The following WWOX variants were observed in gnomAD, a reference collection of about 807,000 sequenced individuals.
The protein encoded by WWOX is WW domain-containing oxidoreductase.
In WWOX, 69 loss-of-function variants were observed where a neutral mutation model predicts 46.2. The ratio of observed to expected loss-of-function variants is 1.49; its 90% confidence interval spans 1.23 to 1.82. The LOEUF is 1.82. Among genes scored for constraint, WWOX ranks in the 40% most tolerant of loss-of-function variants. WWOX has a pLI of 0.00. For missense variants in WWOX, 919 were observed against 542.6 expected (o/e 1.69, Z -6.89); for synonymous variants, 359 against 202.6 (o/e 1.77, Z -6.56).
chr16:79,053,760 A>G (rs1319539121), intron 8 of WWOX, among the ~76,000 whole-genome samples: 3 of 152,152 alleles, frequency 2.0e-5, no homozygotes, highest in Admixed American at 1.3e-4. Context: ...CCTTAAGTTT[A>G]TAGTTATGCA....
intron 8 of WWOX, among the ~76,000 whole-genome samples, chr16:78,748,887 T>G (rs747045916): frequency 6.6e-6 from 1 of 152,224 alleles, no homozygotes; most frequent in Non-Finnish European, 1.5e-5. Flanking sequence ...GTGAATTGAT[T>G]TGCAAAGCAG....
At chr16:78,842,328 TAAA>T (rs34346754) in intron 8 of WWOX, among the ~76,000 whole-genome samples, 11 of 118,242 alleles carry the variant, frequency 9.3e-5, no homozygotes, top group Non-Finnish European at 8.8e-5. Context: ...ACCCCATCTC[TAAA>T]AAAAAAAAAA....
chr16:78,775,549 C>T (rs2142535582), intron 8 of WWOX, among the ~76,000 whole-genome samples: 1 of 152,224 alleles, frequency 6.6e-6, no homozygotes, highest in Non-Finnish European at 1.5e-5. Context: ...GGCTTTGAAA[C>T]TGCTCATCCC....
chr16:78,864,750 A>G (rs1309108668), intron 8 of WWOX, among the ~76,000 whole-genome samples: 1 of 117,304 alleles, frequency 8.5e-6, no homozygotes, highest in African/African-American at 3.3e-5. Flanking sequence ...TTTTTCTCCA[A>G]CTCCTTTTTT....
In WWOX at chr16:78,361,987, TTTA is replaced by T. The variant is rs2081419723; in HGVS notation, c.517-24869_517-24867del. Among the ~76,000 whole-genome samples, 2 of 150,588 alleles carry T rather than the reference TTTA, an allele frequency of 1.3e-5. 1 individual carries two copies. On this transcript the variant is annotated intron_variant, in intron 5 of 8. Transcript: ENST00000566780. ...AGGTATTTCCTTTTTTTTTTTTTGA[TTTA>T]TTAATACCTCCATTTATTCTGTTGC...
intron 8 of WWOX, among the ~76,000 whole-genome samples, chr16:78,433,623 T>C (rs886191693): frequency 6.6e-6 from 1 of 152,046 alleles, no homozygotes; most frequent in Admixed American, 6.6e-5. Context: ...CAGTTGGACC[T>C]AGGATATTAA....
At chr16:79,044,176 G>A (rs2048024635) in intron 8 of WWOX, among the ~76,000 whole-genome samples, 1 of 152,196 alleles carries the variant, frequency 6.6e-6, no homozygotes, top group South Asian at 2.1e-4. Flanking sequence ...TGTTCAGGGA[G>A]GAGTCTTCAG....
At chr16:78,751,916 A>G (rs889017281) in intron 8 of WWOX, among the ~76,000 whole-genome samples, 3 of 152,182 alleles carry the variant, frequency 2.0e-5, no homozygotes, top group Non-Finnish European at 2.9e-5. Context: ...CCAGATGAAA[A>G]TGAATAACCC....
intron 5 of WWOX, among the ~76,000 whole-genome samples, chr16:78,324,895 A>G (rs879086552): frequency 1.3e-5 from 2 of 152,206 alleles, no homozygotes; most frequent in African/African-American, 4.8e-5. Context: ...GAATTATACA[A>G]TTTTAAATGG....
chr16:78,613,561 C>G (rs1173088155), intron 8 of WWOX, among the ~76,000 whole-genome samples: 1 of 152,174 alleles, frequency 6.6e-6, no homozygotes, highest in Non-Finnish European at 1.5e-5. Flanking sequence ...ATGGAATTGA[C>G]CCATAGTGGG....
chr16:78,441,822 A>T (rs1289574592), intron 8 of WWOX, among the ~76,000 whole-genome samples: 1 of 152,106 alleles, frequency 6.6e-6, no homozygotes, highest in Non-Finnish European at 1.5e-5. Flanking sequence ...ATTGGCTTGC[A>T]GTAGAAATTA....
intron 8 of WWOX, among the ~76,000 whole-genome samples, chr16:78,731,051 T>G (rs2142383128): frequency 6.6e-6 from 1 of 152,304 alleles, no homozygotes; most frequent in African/African-American, 2.4e-5. Context: ...ATGTTTAGTG[T>G]TGATTTAAGA....
intron 8 of WWOX, chr16:78,495,869 G>A (rs2084906132): frequency 1.3e-5 from 2 of 152,050 alleles, no homozygotes; most frequent in African/African-American, 4.8e-5. Flanking sequence ...TTCAGTGAGT[G>A]TGGATTACGT....
intron 5 of WWOX, among the ~76,000 whole-genome samples, chr16:78,302,726 C>A (rs937448819): frequency 2.0e-5 from 3 of 152,154 alleles, no homozygotes; most frequent in African/African-American, 7.2e-5. Flanking sequence ...CAGCTTTACA[C>A]ACTCCTGCTA....
chr16:78,242,091 A>T (rs932924153), intron 5 of WWOX, among the ~76,000 whole-genome samples: 3 of 152,252 alleles, frequency 2.0e-5, no homozygotes, highest in African/African-American at 7.2e-5. Flanking sequence ...GCCGCCCTGC[A>T]GACTTGAAGA....
intron 8 of WWOX, among the ~76,000 whole-genome samples, chr16:78,730,304 C>T (rs868735012): frequency 1.3e-5 from 2 of 151,992 alleles, no homozygotes; most frequent in African/African-American, 4.8e-5. Flanking sequence ...TCCTTGCCTC[C>T]TTCCCTCTCT....
At chr16:78,196,813 A>G (rs1292330027) in intron 5 of WWOX, among the ~76,000 whole-genome samples, 1 of 152,222 alleles carries the variant, frequency 6.6e-6, no homozygotes, top group East Asian at 1.9e-4. Flanking sequence ...AGTTTCTGCT[A>G]ATGATTTAAT....
In WWOX at chr16:78,894,049, T is replaced by TATTATTATTATTATA. The variant is rs879592229; in HGVS notation, c.1057-317557_1057-317556insTATTATTATTATAAT. ...TTATTATTATTATTATTATTATTATTATATTTTGAGACAGGGTCTTGCTTT... is the reference window on the plus strand; with the variant it reads ...TTATTATTATTATTATTATTATTATTATTATTATTATTATAATATTTTGAGACAGGGTCTTGCTTT... On this transcript the variant is annotated intron_variant, in intron 8 of 8. Coordinates refer to ENST00000566780, the MANE Select transcript of WWOX (RefSeq NM_016373.4). Among the ~76,000 whole-genome samples the TATTATTATTATTATA allele has an allele frequency of 9.9e-3, 1,471 of 148,108 alleles. 20 individuals are homozygous for TATTATTATTATTATA. The highest frequency in any genetic ancestry group is 0.036 in the East Asian group (182 of 5,058).
intron 8 of WWOX, among the ~76,000 whole-genome samples, chr16:78,918,820 C>G (rs867941733): frequency 6.6e-6 from 1 of 152,208 alleles, no homozygotes; most frequent in African/African-American, 2.4e-5. Flanking sequence ...AAATTGGCTT[C>G]TCTCTTTCCT....
Sources: allele counts gnomAD v4.1 joint callset (sites outside exome capture counted in the v4.1 genomes callset), GRCh38; gene constraint gnomAD v4.1.1; transcripts MANE v1.5; gene names NCBI Gene and HGNC (gene_info 2026-07-23, HGNC 2026-07-21).